STK24: variants seen among roughly 807,000 people sequenced by gnomAD.
STK24 encodes serine/threonine-protein kinase 24.
In STK24, 21 loss-of-function variants were observed where a neutral mutation model predicts 55.6. The ratio of observed to expected loss-of-function variants is 0.38; its 90% CI spans 0.27 to 0.54. STK24 has a LOEUF of 0.54. STK24 is among the 20% of genes least tolerant of loss of function. The pLI is 0.79. For synonymous variants in STK24, 200 were observed against 215.2 expected (o/e 0.93, Z 0.62); for missense variants, 383 against 538.4 (o/e 0.71, Z 2.86).
At chr13:98,477,067 A>T (rs1894405394) in intron 3 of STK24, among the ~76,000 whole-genome samples, 1 of 152,232 alleles carries the variant, frequency 6.6e-6, no homozygotes, top group African/African-American at 2.4e-5. Context: ...AGACTAAGGC[A>T]TTACGCCACA....
chr13:98,533,082 A>G (rs1896624461), intron 1 of STK24, among the ~76,000 whole-genome samples: 1 of 152,236 alleles, frequency 6.6e-6, no homozygotes, highest in South Asian at 2.1e-4. Flanking sequence ...GGTCTACACA[A>G]TCAATTAGTT....
At chr13:98,472,672 T>C in intron 5 of STK24, among the ~76,000 whole-genome samples, 1 of 152,228 alleles carries the variant, frequency 6.6e-6, no homozygotes, top group Non-Finnish European at 1.5e-5. Context: ...TTTAATAAGT[T>C]TGTAATACAA....
At position 98,447,030 on chromosome 13, in the gene STK24, G is replaced by A. The variant is rs80285975; in HGVS notation, c.*6143C>T. 4.8e-3 allele frequency: 2,614 copies of A among 539,978 alleles called. 44 individuals carry two copies. The highest frequency in any genetic ancestry group is 0.03 in the East Asian group (951 of 31,286). The allele number at this position is 539,978 out of a possible 1,614,324, so 33.4% of individuals were successfully genotyped here. A position where few individuals can be genotyped will look rare whatever the true frequency, so the allele number is the denominator to read the frequency against. Reference sequence around the variant, plus strand: ...ACTTCCCTGCGCCCTTACCCTGCACGGTGTTGGCTGAGGCCCTAGACATCT... The same window carrying A: ...ACTTCCCTGCGCCCTTACCCTGCACAGTGTTGGCTGAGGCCCTAGACATCT... On this transcript the variant is annotated 3_prime_UTR_variant, in exon 11 of 11. Coordinates refer to ENST00000539966, the MANE Select transcript of STK24 (RefSeq NM_001032296.4).
chr13:98,521,716 G>A, intron 1 of STK24: 1 of 768,178 alleles, frequency 1.3e-6, no homozygotes, highest in Non-Finnish European at 2.4e-6. Flanking sequence ...TAGCTATAAT[G>A]AAACATACCC....
At chr13:98,517,809 T>C (rs1190874790) in intron 2 of STK24, among the ~76,000 whole-genome samples, 2 of 152,304 alleles carry the variant, frequency 1.3e-5, no homozygotes, top group African/African-American at 2.4e-5. Context: ...TTGACCTCAA[T>C]GGATACCTTA....
chr13:98,505,642 C>G (rs1431600050), intron 2 of STK24, among the ~76,000 whole-genome samples: 1 of 152,234 alleles, frequency 6.6e-6, no homozygotes, highest in Non-Finnish European at 1.5e-5. Flanking sequence ...AGTACCTAAT[C>G]TAGTGCAACA....
At chr13:98,521,900 C>A in intron 1 of STK24, 1 of 944,024 alleles carries the variant, frequency 1.1e-6, no homozygotes, top group South Asian at 1.3e-5. Flanking sequence ...CCTTCTCGCT[C>A]CTTCTTCCAT....
intron 5 of STK24, among the ~76,000 whole-genome samples, chr13:98,468,553 A>G (rs1894006190): frequency 6.6e-6 from 1 of 152,128 alleles, no homozygotes; most frequent in Non-Finnish European, 1.5e-5. Context: ...AGAGGTGGCA[A>G]TTGTGACTCT....
chr13:98,461,068 G>GAC (rs1893686976), intron 8 of STK24, among the ~76,000 whole-genome samples: 1 of 151,366 alleles, frequency 6.6e-6, no homozygotes, highest in Non-Finnish European at 1.5e-5. Flanking sequence ...GAGAGAGAGA[G>GAC]AGAGAGAGAA....
intron 1 of STK24, among the ~76,000 whole-genome samples, chr13:98,566,143 G>T (rs531373319): frequency 6.6e-6 from 1 of 151,806 alleles, no homozygotes; most frequent in South Asian, 2.1e-4. Context: ...CCAGAAGCAC[G>T]CCAGGCTATG....
intron 1 of STK24, among the ~76,000 whole-genome samples, chr13:98,528,510 C>T (rs1174892558): frequency 2.0e-5 from 3 of 152,184 alleles, no homozygotes; most frequent in South Asian, 2.1e-4. Flanking sequence ...AAGACAATTC[C>T]GAAGCTCTGC....
chr13:98,515,034 A>G (rs979472137), intron 2 of STK24, among the ~76,000 whole-genome samples: 6 of 151,904 alleles, frequency 3.9e-5, no homozygotes, highest in African/African-American at 1.2e-4. Flanking sequence ...AATCTTGGCT[A>G]TAACTAAAAG....
At chr13:98,559,937 C>T (rs566556958) in intron 1 of STK24, among the ~76,000 whole-genome samples, 32 of 151,998 alleles carry the variant, frequency 2.1e-4, no homozygotes, top group African/African-American at 6.8e-4. Context: ...ATCACTTGAC[C>T]CAGGAGTTCA....
At chr13:98,464,572 C>G (rs1267593895) in intron 6 of STK24, among the ~76,000 whole-genome samples, 1 of 144,526 alleles carries the variant, frequency 6.9e-6, no homozygotes, top group African/African-American at 2.5e-5. Flanking sequence ...TTTCGGCTCA[C>G]TACAACCTCG....
intron 1 of STK24, among the ~76,000 whole-genome samples, chr13:98,575,406 TACACACAC>T (rs557819358): frequency 1.3e-5 from 2 of 148,430 alleles, no homozygotes; most frequent in South Asian, 4.3e-4. Context: ...TGCTTATATA[TACACACAC>T]ACACACACAC....
intron 1 of STK24, among the ~76,000 whole-genome samples, chr13:98,552,044 G>A (rs1365604294): frequency 1.3e-5 from 2 of 152,162 alleles, no homozygotes; most frequent in Non-Finnish European, 2.9e-5. Context: ...ATGTACGATA[G>A]TGAACAATCC....
At chr13:98,464,623 G>A (rs1351600974) in intron 6 of STK24, among the ~76,000 whole-genome samples, 1 of 150,820 alleles carries the variant, frequency 6.6e-6, no homozygotes, top group African/African-American at 2.4e-5. Flanking sequence ...AGCCTCCTGG[G>A]TAGCTGGGAT....
intron 1 of STK24, among the ~76,000 whole-genome samples, chr13:98,554,674 A>C (rs894356800): frequency 6.6e-6 from 1 of 152,158 alleles, no homozygotes; most frequent in Non-Finnish European, 1.5e-5. Flanking sequence ...TAAAAAACAA[A>C]CTAAAAACCT....
Position 98,445,857 on chromosome 13 carries a change from G to T in STK24, c.*7316C>A, listed in dbSNP as rs905363809. 3 of 464,776 alleles carry T rather than the reference G, an allele frequency of 6.5e-6. No homozygotes were observed. The highest frequency in any genetic ancestry group is 2.0e-5 in the African/African-American group (1 of 49,944). 28.8% of individuals were successfully genotyped at this position (464,776 alleles called of 1,614,324 possible). A position where few individuals can be genotyped will look rare whatever the true frequency, so the allele number is the denominator to read the frequency against. ...AGGTACTGGTAGTCAGGACCTCAAC[G>T]TGTCTTTTGGGGGGACACAGGGACC... On this transcript the variant is annotated 3_prime_UTR_variant, in exon 11 of 11. Transcript: ENST00000539966.
Sources: gnomAD v4.1 joint callset for allele counts (sites outside exome capture counted in the v4.1 genomes callset) on GRCh38, gnomAD v4.1.1 for gene constraint, MANE v1.5 for transcripts, NCBI Gene and HGNC (gene_info 2026-07-23, HGNC 2026-07-21) for gene names.